The following TMEM170B variants were observed in gnomAD, a reference collection of about 807,000 sequenced individuals.
TMEM170B encodes transmembrane protein 170B.
Under a neutral mutation model 13.0 loss-of-function variants are expected in TMEM170B, and 6 were observed. That is an observed-to-expected ratio of 0.46 (90% CI 0.25 to 0.91). TMEM170B has a LOEUF of 0.91. Among genes scored for constraint, TMEM170B ranks in the 40% least tolerant of loss-of-function variants. The probability of loss-of-function intolerance (pLI) is 0.17; values close to 1 mark genes in which losing one functional copy is unlikely to be tolerated. For synonymous variants in TMEM170B, 61 were observed against 64.9 expected (o/e 0.94, Z 0.29); for missense variants, 138 against 165.2 (o/e 0.84, Z 0.90).
chr6:11,555,227 C>T (rs748532288), intron 1 of TMEM170B, among the ~76,000 whole-genome samples: 4 of 151,990 alleles, frequency 2.6e-5, no homozygotes, highest in South Asian at 2.1e-4. Flanking sequence ...TCTTCTGGCT[C>T]GGAAATTTCT....
chr6:11,548,530 T>C (rs1008635008), intron 1 of TMEM170B, among the ~76,000 whole-genome samples: 2 of 152,156 alleles, frequency 1.3e-5, no homozygotes, highest in African/African-American at 4.8e-5. Context: ...TCCTCAGGGA[T>C]CTAGAACTAG....
chr6:11,557,258 G>A (rs993317984), intron 1 of TMEM170B, among the ~76,000 whole-genome samples: 1 of 152,154 alleles, frequency 6.6e-6, no homozygotes, highest in Admixed American at 6.5e-5. Flanking sequence ...CTCATTGGAT[G>A]GGAGTGACAT....
In TMEM170B at chr6:11,578,790, T is replaced by C. The variant is rs974280994; in HGVS notation, c.*3229T>C. On this transcript the variant is annotated 3_prime_UTR_variant, in exon 3 of 3. Coordinates refer to ENST00000379426, the MANE Select transcript of TMEM170B (RefSeq NM_001100829.3). ...ACTTTAAATGAGAGAAATAAAGAAATGAGTTGGCCTGTATATCTTGTATTT... is the reference window on the plus strand; with the variant it reads ...ACTTTAAATGAGAGAAATAAAGAAACGAGTTGGCCTGTATATCTTGTATTT... 6.6e-6 allele frequency: 1 copy of C among 152,212 alleles called. No homozygotes were observed. Among genetic ancestry groups the C allele is most frequent in the Non-Finnish European group, 1.5e-5 (1 of 68,018 alleles). 9.4% of individuals were successfully genotyped at this position (152,212 alleles called of 1,614,324 possible).
At chr6:11,562,766 C>G (rs933129216) in intron 1 of TMEM170B, among the ~76,000 whole-genome samples, 1 of 152,078 alleles carries the variant, frequency 6.6e-6, no homozygotes, top group African/African-American at 2.4e-5. Flanking sequence ...AGTATTTCTT[C>G]TACACTTGTA....
At chr6:11,548,159 G>A (rs895740998) in intron 1 of TMEM170B, among the ~76,000 whole-genome samples, 4 of 152,070 alleles carry the variant, frequency 2.6e-5, no homozygotes, top group African/African-American at 9.7e-5. Context: ...CTACAGAATG[G>A]GAGAGAATTT....
rs1389833395 is a variant in TMEM170B, at chr6:11,582,301, A to G, written c.*6740A>G. On this transcript the variant is annotated 3_prime_UTR_variant, in exon 3 of 3. Transcript: ENST00000379426. Reference sequence around the variant, plus strand: ...AATCACAGGCAGATTTTAAAAGCTAAATGAAGCCTTAGTGCCTTGAAAGTT... The same window carrying G: ...AATCACAGGCAGATTTTAAAAGCTAGATGAAGCCTTAGTGCCTTGAAAGTT... 2 of 152,228 alleles carry G rather than the reference A, an allele frequency of 1.3e-5. No individual in the cohort carries two copies. Among genetic ancestry groups the G allele is most frequent in the East Asian group, 1.9e-4 (1 of 5,208 alleles). 9.4% of individuals were successfully genotyped at this position (152,228 alleles called of 1,614,324 possible).
chr6:11,558,445 G>A (rs908893465), intron 1 of TMEM170B, among the ~76,000 whole-genome samples: 3 of 152,234 alleles, frequency 2.0e-5, no homozygotes, highest in South Asian at 2.1e-4. Context: ...ATTCTTGGCT[G>A]TATGGGAACA....
intron 1 of TMEM170B, among the ~76,000 whole-genome samples, chr6:11,548,074 G>A (rs1181561560): frequency 2.6e-5 from 4 of 152,250 alleles, no homozygotes; most frequent in African/African-American, 9.6e-5. Context: ...AGCCAAAATT[G>A]AGAAATGGGA....
At chr6:11,548,218 A>G (rs898115983) in intron 1 of TMEM170B, among the ~76,000 whole-genome samples, 12 of 152,342 alleles carry the variant, frequency 7.9e-5, no homozygotes, top group African/African-American at 2.6e-4. Context: ...ATCTGCAAAG[A>G]CCTTAAACAA....
intron 1 of TMEM170B, among the ~76,000 whole-genome samples, chr6:11,555,542 T>C (rs1428764037): frequency 3.9e-5 from 6 of 152,200 alleles, no homozygotes. Flanking sequence ...CTCTTTCTTA[T>C]TCTGGACTCC....
chr6:11,560,856 C>T (rs1759654912), intron 1 of TMEM170B, among the ~76,000 whole-genome samples: 1 of 152,120 alleles, frequency 6.6e-6, no homozygotes. Context: ...TTTTAGACAT[C>T]TAGAGAAATT....
intron 1 of TMEM170B, among the ~76,000 whole-genome samples, chr6:11,541,359 C>T (rs543491473): frequency 6.6e-6 from 1 of 152,332 alleles, no homozygotes; most frequent in African/African-American, 2.4e-5. Flanking sequence ...TCTACATCAG[C>T]ATTTGCTGCT....
In TMEM170B at chr6:11,538,391, G is replaced by A; in HGVS notation, c.97+17G>A. ...ACCTCACGGGTAATTGACGCGCCTGGGCTGGGGACGGGGATGCGGTCCGCC... is the reference window on the plus strand; with the variant it reads ...ACCTCACGGGTAATTGACGCGCCTGAGCTGGGGACGGGGATGCGGTCCGCC... On this transcript the variant is annotated intron_variant, in intron 1 of 2. Coordinates refer to ENST00000379426, the MANE Select transcript of TMEM170B (RefSeq NM_001100829.3). 1.3e-6 allele frequency: 2 copies of A among 1,494,686 alleles called. No individual in the cohort carries two copies. Among genetic ancestry groups the A allele is most frequent in the East Asian group, 2.8e-5 (1 of 35,312 alleles). The allele number at this position is 1,494,686 out of a possible 1,614,324, so 92.6% of individuals were successfully genotyped here.
Position 11,580,372 on chromosome 6 carries a change from G to A in TMEM170B, c.*4811G>A, listed in dbSNP as rs762759338. On this transcript the variant is annotated 3_prime_UTR_variant, in exon 3 of 3. Transcript: ENST00000379426. ...ATTTATGTTCATTATGTAATTCAGG[G>A]AGTAACGATGCCTGGAGCAATTTCT... is the stretch of plus-strand genomic sequence containing the variant. 1 of 152,040 alleles carries A rather than the reference G, an allele frequency of 6.6e-6. No homozygotes were observed. The highest frequency in any genetic ancestry group is 1.5e-5 in the Non-Finnish European group (1 of 68,022). 9.4% of individuals were successfully genotyped at this position (152,040 alleles called of 1,614,324 possible). A position where few individuals can be genotyped will look rare whatever the true frequency, so the allele number is the denominator to read the frequency against.
rs1274605742 is a variant in TMEM170B at position 11,581,572 on chromosome 6, A to G, written c.*6011A>G. ...AAAGCAGTTTGACACAAATACACAG[A>G]AAGAGGAATTGCGGTGCATAATCAA... On this transcript the variant is annotated 3_prime_UTR_variant, in exon 3 of 3. Coordinates refer to ENST00000379426, the MANE Select transcript of TMEM170B (RefSeq NM_001100829.3). The G allele has an allele frequency of 1.3e-5, 2 of 152,192 alleles. No individual in the cohort carries two copies. The highest frequency in any genetic ancestry group is 2.4e-5 in the African/African-American group (1 of 41,444). The allele number at this position is 152,192 out of a possible 1,614,324, so 9.4% of individuals were successfully genotyped here.
intron 1 of TMEM170B, among the ~76,000 whole-genome samples, chr6:11,540,337 G>GCAAA (rs1280317451): frequency 2.0e-5 from 3 of 152,200 alleles, no homozygotes; most frequent in African/African-American, 7.2e-5. Flanking sequence ...CCCTGCTGCG[G>GCAAA]CTTTATCAAC....
Position 11,579,658 on chromosome 6 carries a change from A to G in TMEM170B, c.*4097A>G, listed in dbSNP as rs1356567801. 2 of 152,208 alleles carry G rather than the reference A, an allele frequency of 1.3e-5. No individual in the cohort carries two copies. Among genetic ancestry groups the G allele is most frequent in the Admixed American group, 6.5e-5 (1 of 15,280 alleles). 9.4% of individuals were successfully genotyped at this position (152,208 alleles called of 1,614,324 possible). Reference sequence around the variant, plus strand: ...CTTTTGTGAATTGGTGGTGGTGGAAATGGCCAGTGCAAGCAGGATTAAATT... The same window carrying G: ...CTTTTGTGAATTGGTGGTGGTGGAAGTGGCCAGTGCAAGCAGGATTAAATT... On this transcript the variant is annotated 3_prime_UTR_variant, in exon 3 of 3. Coordinates refer to ENST00000379426, the MANE Select transcript of TMEM170B (RefSeq NM_001100829.3).
intron 1 of TMEM170B, among the ~76,000 whole-genome samples, chr6:11,554,434 A>G (rs1759562977): frequency 6.6e-6 from 1 of 151,952 alleles, no homozygotes; most frequent in Non-Finnish European, 1.5e-5. Context: ...AATCACTGGA[A>G]TTATAATTGA....
At chr6:11,546,511 C>G (rs1416934283) in intron 1 of TMEM170B, among the ~76,000 whole-genome samples, 1 of 152,150 alleles carries the variant, frequency 6.6e-6, no homozygotes, top group African/African-American at 2.4e-5. Context: ...ATGTCTGAGG[C>G]CTTCACATTC....
Sources: gnomAD v4.1 joint callset for allele counts (sites outside exome capture counted in the v4.1 genomes callset) on GRCh38, gnomAD v4.1.1 for gene constraint, MANE v1.5 for transcripts, NCBI Gene and HGNC (gene_info 2026-07-23, HGNC 2026-07-21) for gene names.